OPCML: variants seen among roughly 807,000 people sequenced by gnomAD.
OPCML encodes the protein opioid-binding protein/cell adhesion molecule.
A neutral mutation model predicts 37.8 loss-of-function variants in OPCML; 13 were observed. The observed-to-expected ratio is 0.34, with a 90% confidence interval of 0.22 to 0.55. The LOEUF is 0.55. Ranked by LOEUF, OPCML falls within the 20% of genes least tolerant of loss-of-function variation. The pLI is 0.91. For synonymous variants in OPCML, 176 were observed against 168.8 expected (o/e 1.04, Z -0.33); for missense variants, 341 against 435.6 (o/e 0.78, Z 1.93).
At chr11:132,796,142 G>C (rs1938295825) in intron 2 of OPCML, among the ~76,000 whole-genome samples, 2 of 152,144 alleles carry the variant, frequency 1.3e-5, no homozygotes, top group South Asian at 4.1e-4. Flanking sequence ...TTTATATCAA[G>C]AACTTGAGCA....
chr11:132,754,461 C>T lies in OPCML; in HGVS notation c.147-97142G>A, dbSNP rs187462248. 1.6e-3 allele frequency among the ~76,000 whole-genome samples: 251 copies of T among 152,284 alleles called. 3 individuals are homozygous for T. The highest frequency in any genetic ancestry group is 0.014 in the Admixed American group (219 of 15,292). ...ATGTGACTTGCTCTTACTTACCTTC[C>T]ACCATGATTGTGAGGCTTCCCAGCC... On this transcript the variant is annotated intron_variant, in intron 2 of 7. Coordinates refer to ENST00000524381, the MANE Select transcript of OPCML (RefSeq NM_001012393.5).
intron 1 of OPCML, among the ~76,000 whole-genome samples, chr11:133,355,591 G>A (rs771742361): frequency 2.0e-5 from 3 of 152,174 alleles, no homozygotes; most frequent in Non-Finnish European, 4.4e-5. Flanking sequence ...CTATGTCGGT[G>A]GCACAGCTGG....
intron 1 of OPCML, among the ~76,000 whole-genome samples, chr11:133,105,993 A>G (rs1449252324): frequency 1.5e-5 from 1 of 68,806 alleles, no homozygotes; most frequent in Admixed American, 1.4e-4. Context: ...AAAATAAAAA[A>G]AAAAAGAAAA....
chr11:132,908,040 T>C (rs55740715), intron 2 of OPCML, among the ~76,000 whole-genome samples: 16,469 of 152,198 alleles, frequency 0.11, 1,213 homozygotes, highest in African/African-American at 0.19. Flanking sequence ...CCTGAAATCA[T>C]TTGTAGTCAG....
chr11:132,973,809 T>A (rs543475165), intron 1 of OPCML, among the ~76,000 whole-genome samples: 11 of 152,148 alleles, frequency 7.2e-5, no homozygotes, highest in Non-Finnish European at 1.5e-4. Flanking sequence ...TCATCTCCCC[T>A]TTGCTCTCGG....
intron 4 of OPCML, among the ~76,000 whole-genome samples, chr11:132,513,892 A>G (rs1433651647): frequency 6.6e-6 from 1 of 152,226 alleles, no homozygotes; most frequent in Non-Finnish European, 1.5e-5. Context: ...AGCTTCCTGG[A>G]GAAAACTATA....
At chr11:132,681,954 CAA>C (rs35562833) in intron 2 of OPCML, among the ~76,000 whole-genome samples, 2 of 136,514 alleles carry the variant, frequency 1.5e-5, no homozygotes, top group African/African-American at 2.7e-5. Context: ...GATTCCGTCT[CAA>C]AAAAAAAAAA....
chr11:132,627,425 G>C (rs1308161069), intron 3 of OPCML, among the ~76,000 whole-genome samples: 14 of 152,182 alleles, frequency 9.2e-5, no homozygotes, highest in Admixed American at 9.2e-4. Context: ...TCTATATATA[G>C]CACAATCTAT....
At chr11:133,094,108 TA>T (rs200766401) in intron 1 of OPCML, among the ~76,000 whole-genome samples, 9 of 151,056 alleles carry the variant, frequency 6.0e-5, no homozygotes, top group Admixed American at 2.0e-4. Flanking sequence ...AATATTTCAG[TA>T]AAAAAAAATA....
chr11:133,044,754 T>G (rs953403642), intron 1 of OPCML, among the ~76,000 whole-genome samples: 6 of 152,128 alleles, frequency 3.9e-5, no homozygotes, highest in Admixed American at 3.3e-4. Flanking sequence ...TGAATCCCGG[T>G]AGAATGATGG....
At chr11:132,561,642 A>G (rs1022538797) in intron 3 of OPCML, among the ~76,000 whole-genome samples, 1 of 152,236 alleles carries the variant, frequency 6.6e-6, no homozygotes, top group African/African-American at 2.4e-5. Flanking sequence ...CCACTGTGAA[A>G]ATCATTCAAC....
chr11:132,533,622 G>A (rs1394925767), intron 3 of OPCML, among the ~76,000 whole-genome samples: 1 of 152,166 alleles, frequency 6.6e-6, no homozygotes, highest in South Asian at 2.1e-4. Context: ...TTTGCAGTCT[G>A]TCCAAAACAT....
At chr11:132,946,045 G>C (rs758805992) in intron 1 of OPCML, among the ~76,000 whole-genome samples, 3 of 152,194 alleles carry the variant, frequency 2.0e-5, no homozygotes, top group Non-Finnish European at 1.5e-5. Flanking sequence ...GCCTCCCAAA[G>C]TGCTGGGATT....
chr11:133,314,082 A>C (rs1243807617), intron 1 of OPCML, among the ~76,000 whole-genome samples: 2 of 147,018 alleles, frequency 1.4e-5, no homozygotes, highest in Admixed American at 1.4e-4. Flanking sequence ...AAAAATACAA[A>C]AAATTAGCCG....
intron 1 of OPCML, among the ~76,000 whole-genome samples, chr11:133,282,937 C>T (rs1942198599): frequency 6.6e-6 from 1 of 152,146 alleles, no homozygotes; most frequent in Non-Finnish European, 1.5e-5. Flanking sequence ...CATTTTGGAA[C>T]AGGAACATTT....
chr11:132,816,914 T>C (rs759936978), intron 2 of OPCML, among the ~76,000 whole-genome samples: 2 of 152,144 alleles, frequency 1.3e-5, no homozygotes, highest in Non-Finnish European at 2.9e-5. Context: ...AAGAGGGAGT[T>C]GACAACAAGG....
At chr11:133,391,286 C>A (rs1456840226) in intron 1 of OPCML, among the ~76,000 whole-genome samples, 1 of 152,166 alleles carries the variant, frequency 6.6e-6, no homozygotes, top group Non-Finnish European at 1.5e-5. Flanking sequence ...ACTGGCATTG[C>A]TCCTCCAAGC....
intron 3 of OPCML, among the ~76,000 whole-genome samples, chr11:132,606,562 G>T (rs751117393): frequency 2.0e-5 from 3 of 151,966 alleles, no homozygotes; most frequent in African/African-American, 7.3e-5. Context: ...CACCACCCCC[G>T]TCTCCCACCT....
chr11:132,813,129 C>A (rs1285770429), intron 2 of OPCML, among the ~76,000 whole-genome samples: 1 of 152,138 alleles, frequency 6.6e-6, no homozygotes, highest in Non-Finnish European at 1.5e-5. Flanking sequence ...AATTTAATTT[C>A]TGTGAACTCA....
Sources: gnomAD v4.1 joint callset for allele counts (sites outside exome capture counted in the v4.1 genomes callset) on GRCh38, gnomAD v4.1.1 for gene constraint, MANE v1.5 for transcripts, NCBI Gene and HGNC (gene_info 2026-07-23, HGNC 2026-07-21) for gene names.